PTPRG: variants seen among roughly 807,000 people sequenced by gnomAD.
PTPRG encodes receptor-type tyrosine-protein phosphatase gamma.
Under a neutral mutation model 165.3 loss-of-function variants are expected in PTPRG, and 102 were observed. That is an observed-to-expected ratio of 0.62 (90% CI 0.53 to 0.73). The LOEUF (loss-of-function observed/expected upper bound fraction) is 0.73, where lower values mean the gene tolerates loss of function less well. Ranked by LOEUF, PTPRG falls within the 30% of genes least tolerant of loss-of-function variation. The pLI is 0.00. For missense variants in PTPRG, 1,866 were observed against 1,861.4 expected (o/e 1.00, Z -0.05); for synonymous variants, 675 against 669.5 (o/e 1.01, Z -0.13).
intron 2 of PTPRG, among the ~76,000 whole-genome samples, chr3:61,868,915 TTGAAGA>T: frequency 6.6e-6 from 1 of 152,060 alleles, no homozygotes. Context: ...TTTTTTTTTT[TTGAAGA>T]TTTTGGTAGA....
At chr3:62,091,362 ACTT>A (rs1225560382) in intron 5 of PTPRG, among the ~76,000 whole-genome samples, 2 of 152,328 alleles carry the variant, frequency 1.3e-5, no homozygotes, top group African/African-American at 4.8e-5. Flanking sequence ...CTTTCTTACT[ACTT>A]TAAAGAGGAG....
rs534638573 is a variant in PTPRG at position 62,104,262 on chromosome 3, A to G, written c.615+26004A>G. Among the ~76,000 whole-genome samples, 35 of 152,316 alleles carry G rather than the reference A, an allele frequency of 2.3e-4. No homozygotes were observed. In the South Asian group the frequency reaches 5.8e-3, roughly 25 times the overall value. On this transcript the variant is annotated intron_variant, in intron 5 of 29. Transcript: ENST00000474889. ...TGGACTCAGGCACAGTGTCATGGTG[A>G]AATGATTGTATATAGCCCTGCTGGC...
intron 2 of PTPRG, among the ~76,000 whole-genome samples, chr3:61,791,590 C>A (rs1456610818): frequency 6.6e-6 from 1 of 152,136 alleles, no homozygotes; most frequent in African/African-American, 2.4e-5. Flanking sequence ...CAGGTTCAAG[C>A]GATTCTCCTG....
rs572882048 is a variant in PTPRG, at chr3:61,859,579, T to G, written c.190+110597T>G. On this transcript the variant is annotated intron_variant, in intron 2 of 29. Transcript: ENST00000474889. ...CAGGACAATTGACACAAGGAGAGTT[T>G]CTTATTTGAGATCTTGGTTTGATAG... Among the ~76,000 whole-genome samples, 70 of 151,916 alleles carry G rather than the reference T, an allele frequency of 4.6e-4. No homozygotes were observed. In the South Asian group the frequency reaches 0.013, roughly 27 times the overall value.
Position 61,673,164 on chromosome 3 carries a change from A to G in PTPRG, c.86-75714A>G, listed in dbSNP as rs532761417. ...GCAACAGAGCGATACTCTGTCTCAA[A>G]ATAAAATGGAAGAAAAAAGATAAAA... On this transcript the variant is annotated intron_variant, in intron 1 of 29. Coordinates refer to ENST00000474889, the MANE Select transcript of PTPRG (RefSeq NM_002841.4). Among the ~76,000 whole-genome samples, 46 of 152,272 alleles carry G rather than the reference A, an allele frequency of 3.0e-4. 1 individual carries two copies. The South Asian group carries it at 9.5e-3, about 32-fold the overall frequency.
chr3:61,682,618 T>A (rs1703490083), intron 1 of PTPRG, among the ~76,000 whole-genome samples: 1 of 152,226 alleles, frequency 6.6e-6, no homozygotes, highest in African/African-American at 2.4e-5. Context: ...AGTTTATCTA[T>A]CCTGTTCTTC....
rs986093927 is a variant in PTPRG, at chr3:61,960,207, T to C, written c.191-29418T>C. Reference sequence around the variant, plus strand: ...TGGAATGCAAACCCCTGAAGGCTGTTCTGCCTTGTTCATCTTGGATCTCGG... The same window carrying C: ...TGGAATGCAAACCCCTGAAGGCTGTCCTGCCTTGTTCATCTTGGATCTCGG... On this transcript the variant is annotated intron_variant, in intron 2 of 29. Coordinates refer to ENST00000474889, the MANE Select transcript of PTPRG (RefSeq NM_002841.4). 5.3e-5 allele frequency among the ~76,000 whole-genome samples: 8 copies of C among 152,144 alleles called. No individual in the cohort carries two copies. In the East Asian group the frequency reaches 1.5e-3, roughly 29 times the overall value.
At chr3:62,101,509 C>G (rs1350919670) in intron 5 of PTPRG, among the ~76,000 whole-genome samples, 4 of 152,172 alleles carry the variant, frequency 2.6e-5, no homozygotes, top group African/African-American at 7.2e-5. Context: ...GCTTTAAGCC[C>G]TTTATAAACA....
chr3:62,057,395 G>C (rs967650847), intron 4 of PTPRG, among the ~76,000 whole-genome samples: 3 of 152,178 alleles, frequency 2.0e-5, no homozygotes, highest in Non-Finnish European at 4.4e-5. Context: ...TATTTCAAAA[G>C]AAGTGCTTTT....
At chr3:61,668,919 T>G (rs1702887135) in intron 1 of PTPRG, among the ~76,000 whole-genome samples, 1 of 152,234 alleles carries the variant, frequency 6.6e-6, no homozygotes, top group Non-Finnish European at 1.5e-5. Context: ...GCTTTTTGCT[T>G]ATACTAAATT....
intron 5 of PTPRG, among the ~76,000 whole-genome samples, chr3:62,095,308 T>G (rs538613201): frequency 3.2e-3 from 485 of 152,300 alleles, no homozygotes; most frequent in Non-Finnish European, 4.4e-3. Context: ...AAAGGAAGAA[T>G]GTCTACAAGG....
intron 2 of PTPRG, among the ~76,000 whole-genome samples, chr3:61,859,307 A>G (rs2037196213): frequency 1.3e-5 from 2 of 152,168 alleles, no homozygotes; most frequent in South Asian, 4.1e-4. Context: ...CCATAAAATG[A>G]TGGGAATTAG....
At chr3:61,868,961 T>A (rs927506339) in intron 2 of PTPRG, among the ~76,000 whole-genome samples, 1 of 152,068 alleles carries the variant, frequency 6.6e-6, no homozygotes, top group Non-Finnish European at 1.5e-5. Flanking sequence ...TTTGGACTAG[T>A]CACTTCTAAT....
At chr3:62,032,735 C>T (rs1466939493) in intron 4 of PTPRG, among the ~76,000 whole-genome samples, 4 of 152,174 alleles carry the variant, frequency 2.6e-5, no homozygotes, top group Non-Finnish European at 5.9e-5. Flanking sequence ...TCAGGAGTGA[C>T]ATGTAGCTTT....
intron 12 of PTPRG, among the ~76,000 whole-genome samples, chr3:62,204,551 G>A (rs766801579): frequency 1.6e-4 from 25 of 152,156 alleles, no homozygotes; most frequent in Non-Finnish European, 2.9e-4. Flanking sequence ...TTGTGAAATG[G>A]TAATAGAGGA....
chr3:61,792,720 C>G (rs1329794361), intron 2 of PTPRG, among the ~76,000 whole-genome samples: 1 of 76,544 alleles, frequency 1.3e-5, no homozygotes, highest in Non-Finnish European at 2.7e-5. Flanking sequence ...TTCTTTCTTT[C>G]TTTCTTTCTT....
chr3:61,725,533 TTC>T (rs1287854384), intron 1 of PTPRG, among the ~76,000 whole-genome samples: 2 of 152,212 alleles, frequency 1.3e-5, no homozygotes, highest in Non-Finnish European at 2.9e-5. Context: ...GTGGGTCTCC[TTC>T]TGGGTTCTCT....
Position 61,799,372 on chromosome 3 carries a change from A to G in PTPRG, c.190+50390A>G, listed in dbSNP as rs184772457. Reference sequence around the variant, plus strand: ...ATTACTAGAACCAGAAACCTTGGCTATTCAGATGGCCTTATTTCTACCTAA... The same window carrying G: ...ATTACTAGAACCAGAAACCTTGGCTGTTCAGATGGCCTTATTTCTACCTAA... On this transcript the variant is annotated intron_variant, in intron 2 of 29. Coordinates refer to ENST00000474889, the MANE Select transcript of PTPRG (RefSeq NM_002841.4). 3.9e-5 allele frequency among the ~76,000 whole-genome samples: 6 copies of G among 152,266 alleles called. No individual in the cohort carries two copies. In the East Asian group the frequency reaches 9.7e-4, roughly 25 times the overall value.
At chr3:61,749,446 T>A (rs2033344954) in intron 2 of PTPRG, 1 of 276,672 alleles carries the variant, frequency 3.6e-6, no homozygotes, top group Admixed American at 5.2e-5. Context: ...GTTCTTTGAA[T>A]ATATTTTAGC....
Sources: allele counts gnomAD v4.1 joint callset (sites outside exome capture counted in the v4.1 genomes callset), GRCh38; gene constraint gnomAD v4.1.1; transcripts MANE v1.5; gene names NCBI Gene and HGNC (gene_info 2026-07-23, HGNC 2026-07-21).